HSD17B12: variants seen among roughly 807,000 people sequenced by gnomAD.
The protein encoded by HSD17B12 is very-long-chain 3-oxoacyl-CoA reductase.
A neutral mutation model predicts 39.3 loss-of-function variants in HSD17B12; 32 were observed. That is an observed-to-expected ratio of 0.81 (90% CI 0.61 to 1.09). The LOEUF (loss-of-function observed/expected upper bound fraction) is 1.09, where lower values mean the gene tolerates loss of function less well. Ranked by LOEUF, HSD17B12 falls within the 50% of genes least tolerant of loss-of-function variation. HSD17B12 has a pLI of 0.00. For synonymous variants in HSD17B12, 150 were observed against 146.7 expected, an observed-to-expected ratio of 1.02 and a Z score of -0.16; for missense variants, 342 against 382.9, an observed-to-expected ratio of 0.89 and a Z score of 0.89.
the HSD17B12 span, among the ~76,000 whole-genome samples, chr11:43,652,732 C>T: frequency 0.022 from 3,350 of 152,174 alleles, 56 homozygotes; most frequent in Non-Finnish European, 0.034. Context: ...GAAGAGCTTC[C>T]ATGCCCTCCC....
rs1394304701 is a variant in HSD17B12, at chr11:43,690,369, T to G, written c.160+9382T>G. Among the ~76,000 whole-genome samples, 2 of 13,696 alleles carry G rather than the reference T, an allele frequency of 1.5e-4. 1 individual carries two copies. Among genetic ancestry groups the G allele is most frequent in the African/African-American group, 8.1e-4 (2 of 2,460 alleles). The allele number at this position is 13,696 out of a possible 152,430, so 9.0% of individuals were successfully genotyped here. ...TAAGTAAGGTATTCATACATATATATATATATATATATATATATATATATA... is the reference window on the plus strand; with the variant it reads ...TAAGTAAGGTATTCATACATATATAGATATATATATATATATATATATATA... On this transcript the variant is annotated intron_variant, in intron 1 of 10. Coordinates refer to ENST00000278353, the MANE Select transcript of HSD17B12 (RefSeq NM_016142.3).
intron 1 of HSD17B12, among the ~76,000 whole-genome samples, chr11:43,681,769 G>A (rs1213520416): frequency 6.6e-6 from 1 of 151,820 alleles, no homozygotes; most frequent in African/African-American, 2.4e-5. Context: ...TTTTAAAATG[G>A]AGGACGAAGG....
the HSD17B12 span, among the ~76,000 whole-genome samples, chr11:43,667,502 T>G: frequency 1.3e-5 from 2 of 152,208 alleles, no homozygotes; most frequent in Non-Finnish European, 2.9e-5. Context: ...ACCCTTTTCC[T>G]TCTGCCATAA....
chr11:43,628,942 A>T, the HSD17B12 span, among the ~76,000 whole-genome samples: 3 of 152,060 alleles, frequency 2.0e-5, no homozygotes, highest in South Asian at 6.2e-4. Flanking sequence ...AGCATTTAAG[A>T]ATGTCACTCA....
chr11:43,686,611 T>TC lies in HSD17B12; in HGVS notation c.160+5624_160+5625insC, dbSNP rs1430366616. On this transcript the variant is annotated intron_variant, in intron 1 of 10. Coordinates refer to ENST00000278353, the MANE Select transcript of HSD17B12 (RefSeq NM_016142.3). ...TCCCACCCTGTTTTTTTTTTTTTTT[T>TC]TCCTGTTCTTTCTTTCTGTGCAACA... 4.0e-3 allele frequency among the ~76,000 whole-genome samples: 612 copies of TC among 151,428 alleles called. 3 individuals are homozygous for TC. The highest frequency in any genetic ancestry group is 0.018 in the South Asian group (85 of 4,772).
chr11:43,788,426 A>T (rs1437739963), intron 3 of HSD17B12, among the ~76,000 whole-genome samples: 1 of 152,160 alleles, frequency 6.6e-6, no homozygotes, highest in Non-Finnish European at 1.5e-5. Flanking sequence ...TCTAAAGCAA[A>T]TGTTTATACA....
intron 1 of HSD17B12, among the ~76,000 whole-genome samples, chr11:43,727,847 C>CTATG (rs1479998388): frequency 6.6e-6 from 1 of 152,128 alleles, no homozygotes; most frequent in Non-Finnish European, 1.5e-5. Context: ...GAGAGATGAA[C>CTATG]TATGGCAGTA....
At chr11:43,585,669 G>A in the HSD17B12 span, among the ~76,000 whole-genome samples, 2 of 152,134 alleles carry the variant, frequency 1.3e-5, no homozygotes, top group Non-Finnish European at 2.9e-5. Flanking sequence ...ATTGTTAAAT[G>A]AGCCTAACTT....
the HSD17B12 span, among the ~76,000 whole-genome samples, chr11:43,666,120 T>C: frequency 6.6e-6 from 1 of 152,186 alleles, no homozygotes; most frequent in African/African-American, 2.4e-5. Context: ...TCTTTCTTCC[T>C]TCCTGCATTT....
intron 1 of HSD17B12, among the ~76,000 whole-genome samples, chr11:43,689,794 C>G (rs886696006): frequency 1.3e-5 from 2 of 152,154 alleles, no homozygotes; most frequent in Non-Finnish European, 2.9e-5. Flanking sequence ...GGTGATCCAC[C>G]TGCCTCAGCC....
chr11:43,706,322 T>A (rs1393691740), intron 1 of HSD17B12, among the ~76,000 whole-genome samples: 1 of 152,126 alleles, frequency 6.6e-6, no homozygotes, highest in Non-Finnish European at 1.5e-5. Context: ...GGTGGGCAGA[T>A]CACTTGAGGT....
the HSD17B12 span, among the ~76,000 whole-genome samples, chr11:43,585,448 A>G: frequency 2.0e-5 from 3 of 152,168 alleles, no homozygotes; most frequent in Non-Finnish European, 4.4e-5. Context: ...AAATTTTTAG[A>G]GGGAAACTCG....
At chr11:43,622,834 TAAG>T in the HSD17B12 span, among the ~76,000 whole-genome samples, 2 of 151,924 alleles carry the variant, frequency 1.3e-5, no homozygotes, top group East Asian at 3.8e-4. Context: ...TGGGGGATTA[TAAG>T]AATACATAAT....
chr11:43,574,881 C>T, the HSD17B12 span, among the ~76,000 whole-genome samples: 1 of 152,232 alleles, frequency 6.6e-6, no homozygotes, highest in East Asian at 1.9e-4. Context: ...TTCTCCTCCT[C>T]CTACCATTCA....
the HSD17B12 span, among the ~76,000 whole-genome samples, chr11:43,611,878 C>G: frequency 2.6e-5 from 4 of 152,294 alleles, no homozygotes; most frequent in South Asian, 8.3e-4. Context: ...AGTTTACTTC[C>G]CCAAGGTCAC....
chr11:43,816,421 C>CT, intron 6 of HSD17B12, 30 bp downstream of exon 6: 1 of 1,501,262 alleles, frequency 6.7e-7, no homozygotes. Flanking sequence ...AGATGTCATC[C>CT]TTTTTTGGTT....
At chr11:43,823,352 C>T (rs149801915) in intron 6 of HSD17B12, among the ~76,000 whole-genome samples, 136 of 152,218 alleles carry the variant, frequency 8.9e-4, no homozygotes, top group African/African-American at 3.2e-3. Flanking sequence ...CTCACTGTAA[C>T]GTCAAACTAC....
At chr11:43,594,154 A>G in the HSD17B12 span, among the ~76,000 whole-genome samples, 4 of 152,226 alleles carry the variant, frequency 2.6e-5, no homozygotes, top group African/African-American at 9.6e-5. Context: ...AACGATAGTT[A>G]ACTTTTTAAA....
chr11:43,848,102 G>A (rs554555253), intron 9 of HSD17B12, among the ~76,000 whole-genome samples: 1 of 152,262 alleles, frequency 6.6e-6, no homozygotes, highest in African/African-American at 2.4e-5. Flanking sequence ...CAGTGACTAT[G>A]AAAGGAGTTA....
Sources: allele counts gnomAD v4.1 joint callset (sites outside exome capture counted in the v4.1 genomes callset), GRCh38; gene constraint gnomAD v4.1.1; transcripts MANE v1.5; gene names NCBI Gene and HGNC (gene_info 2026-07-23, HGNC 2026-07-21).